Variants in SGCZ observed in about 807,000 individuals in gnomAD.
SGCZ encodes the protein zeta-sarcoglycan.
In SGCZ, 40 loss-of-function variants were observed where a neutral mutation model predicts 41.3. That is an observed-to-expected ratio of 0.97 (90% CI 0.75 to 1.26). SGCZ has a LOEUF of 1.26. Among genes scored for constraint, SGCZ ranks in the 50% most tolerant of loss-of-function variants. The pLI is 0.00. For missense variants in SGCZ, 552 were observed against 369.8 expected, an observed-to-expected ratio of 1.49 and a Z score of -4.04; for synonymous variants, 206 against 137.5, an observed-to-expected ratio of 1.50 and a Z score of -3.49.
intron 1 of SGCZ, among the ~76,000 whole-genome samples, chr8:14,834,071 G>A (rs941533088): frequency 3.3e-5 from 5 of 152,140 alleles, no homozygotes; most frequent in African/African-American, 4.8e-5. Flanking sequence ...CAGCATTGCA[G>A]TAAGGCTGAA....
At chr8:14,324,721 TTAGAAAAGAG>T (rs1802034675) in intron 2 of SGCZ, among the ~76,000 whole-genome samples, 1 of 152,100 alleles carries the variant, frequency 6.6e-6, no homozygotes, top group Non-Finnish European at 1.5e-5. Flanking sequence ...GTCAGATCCT[TTAGAAAAGAG>T]CAGTTTTTGA....
intron 2 of SGCZ, among the ~76,000 whole-genome samples, chr8:14,361,584 G>A (rs1803512859): frequency 6.6e-6 from 1 of 152,098 alleles, no homozygotes; most frequent in Non-Finnish European, 1.5e-5. Flanking sequence ...ATTCATCTAA[G>A]CTTTTTTAAG....
At chr8:14,123,723 T>C (rs778549466) in intron 5 of SGCZ, among the ~76,000 whole-genome samples, 13 of 152,198 alleles carry the variant, frequency 8.5e-5, no homozygotes, top group Non-Finnish European at 1.5e-4. Context: ...ATTAGAATGG[T>C]AGACATAATC....
chr8:14,715,112 C>G (rs1015801396), intron 1 of SGCZ, among the ~76,000 whole-genome samples: 1 of 152,030 alleles, frequency 6.6e-6, no homozygotes, highest in Non-Finnish European at 1.5e-5. Flanking sequence ...CACTTGTCTA[C>G]GATGCATATT....
intron 2 of SGCZ, among the ~76,000 whole-genome samples, chr8:14,466,729 G>C (rs919382462): frequency 1.3e-5 from 2 of 151,670 alleles, no homozygotes; most frequent in African/African-American, 4.8e-5. Flanking sequence ...GCCTGCTCAA[G>C]TCTGCTTTTA....
At chr8:14,102,693 C>CTAT (rs755064159) in intron 6 of SGCZ, among the ~76,000 whole-genome samples, 194 bp from the exon 7 acceptor site, 4 of 152,032 alleles carry the variant, frequency 2.6e-5, no homozygotes, top group Non-Finnish European at 4.4e-5. Context: ...ATTGACGTAT[C>CTAT]TATTTTTGGC....
At chr8:14,915,019 T>A (rs1157114798) in intron 1 of SGCZ, among the ~76,000 whole-genome samples, 2 of 152,176 alleles carry the variant, frequency 1.3e-5, no homozygotes, top group African/African-American at 4.8e-5. Flanking sequence ...ACATCTAATT[T>A]ATGTATCTTA....
At chr8:14,418,427 G>A (rs11203606) in intron 2 of SGCZ, among the ~76,000 whole-genome samples, 84,603 of 151,674 alleles carry the variant, frequency 0.56, 24,678 homozygotes, top group South Asian at 0.75. Flanking sequence ...TGAGAGAAAC[G>A]GACTTCTGGT....
At chr8:14,444,782 G>A (rs566718273) in intron 2 of SGCZ, among the ~76,000 whole-genome samples, 6 of 151,422 alleles carry the variant, frequency 4.0e-5, no homozygotes, top group Non-Finnish European at 8.8e-5. Flanking sequence ...CGGCATATTG[G>A]GCACATGTAC....
intron 1 of SGCZ, among the ~76,000 whole-genome samples, chr8:14,907,417 G>A (rs61500087): frequency 0.12 from 18,660 of 151,958 alleles, 1,226 homozygotes; most frequent in East Asian, 0.17. Context: ...CCAACTCCTG[G>A]GCTCAAGTGA....
At chr8:14,888,585 T>C (rs1042256967) in intron 1 of SGCZ, among the ~76,000 whole-genome samples, 6 of 152,176 alleles carry the variant, frequency 3.9e-5, no homozygotes, top group Admixed American at 6.5e-5. Flanking sequence ...TGAAAGTTTA[T>C]AAGAAAAATC....
chr8:14,259,203 G>A (rs1253808727), intron 3 of SGCZ, among the ~76,000 whole-genome samples: 2 of 152,096 alleles, frequency 1.3e-5, no homozygotes, highest in African/African-American at 2.4e-5. Flanking sequence ...AATACCTACT[G>A]AGTTAATTAA....
intron 1 of SGCZ, among the ~76,000 whole-genome samples, chr8:14,867,966 G>A (rs1334475086): frequency 4.6e-5 from 7 of 151,138 alleles, no homozygotes; most frequent in Non-Finnish European, 7.4e-5. Context: ...AATTTTGTGG[G>A]AAAAACATTC....
intron 1 of SGCZ, among the ~76,000 whole-genome samples, chr8:15,007,254 C>CAGAAT (rs1802638024): frequency 6.6e-6 from 1 of 152,174 alleles, no homozygotes; most frequent in South Asian, 2.1e-4. Context: ...TTAATTTTCA[C>CAGAAT]CACCTTACTA....
intron 5 of SGCZ, among the ~76,000 whole-genome samples, chr8:14,148,754 C>G (rs1803604550): frequency 6.6e-6 from 1 of 151,844 alleles, no homozygotes; most frequent in African/African-American, 2.4e-5. Context: ...AACTACAGGC[C>G]AAAATCTGAT....
At chr8:14,190,678 C>T (rs1805072328) in intron 4 of SGCZ, among the ~76,000 whole-genome samples, 1 of 152,074 alleles carries the variant, frequency 6.6e-6, no homozygotes, top group Non-Finnish European at 1.5e-5. Flanking sequence ...TCTCGGCTCA[C>T]TACAACCTCC....
intron 1 of SGCZ, among the ~76,000 whole-genome samples, chr8:15,082,874 G>C (rs1222895561): frequency 6.6e-6 from 1 of 151,996 alleles, no homozygotes; most frequent in Non-Finnish European, 1.5e-5. Flanking sequence ...GGCTGACTTC[G>C]AAGACTGTTT....
At chr8:14,642,288 T>C (rs1807051438) in intron 1 of SGCZ, among the ~76,000 whole-genome samples, 1 of 151,644 alleles carries the variant, frequency 6.6e-6, no homozygotes. Flanking sequence ...ATTATTTCTA[T>C]TAGTTCTGTT....
rs183586741 is a variant in SGCZ, at chr8:14,608,728, G to A, written c.40-53802C>T. ...CTTGGTATGGGGGATCCACCCCCACGGCCCATACACATTCTACCAGGCCCC... is the reference window on the plus strand; with the variant it reads ...CTTGGTATGGGGGATCCACCCCCACAGCCCATACACATTCTACCAGGCCCC... On this transcript the variant is annotated intron_variant, in intron 1 of 7. Coordinates refer to ENST00000382080, the MANE Select transcript of SGCZ (RefSeq NM_139167.4). Among the ~76,000 whole-genome samples, 76 of 152,016 alleles carry A rather than the reference G, an allele frequency of 5.0e-4. 1 individual carries two copies. In the East Asian group the frequency reaches 0.012, roughly 25 times the overall value.
Sources: gnomAD v4.1 joint callset for allele counts (sites outside exome capture counted in the v4.1 genomes callset) on GRCh38, gnomAD v4.1.1 for gene constraint, MANE v1.5 for transcripts, NCBI Gene and HGNC (gene_info 2026-07-23, HGNC 2026-07-21) for gene names.